The following PDE4B variants were observed in gnomAD, a reference collection of about 807,000 sequenced individuals.
The protein encoded by PDE4B is phosphodiesterase 4B, also known as 3',5'-cyclic-AMP phosphodiesterase 4B.
PDE4B carries 20 observed loss-of-function variants against 82.2 expected under a neutral mutation model. The observed-to-expected ratio is 0.24, with a 90% CI of 0.17 to 0.35. PDE4B has a LOEUF of 0.35. PDE4B is among the 10% of genes least tolerant of loss of function. The pLI is 1.00. For missense variants in PDE4B, 655 were observed against 907.2 expected (o/e 0.72, Z 3.57); for synonymous variants, 320 against 318.9 (o/e 1.00, Z -0.04).
chr1:66,316,332 A>G (rs1005359870), intron 7 of PDE4B, among the ~76,000 whole-genome samples: 3 of 152,244 alleles, frequency 2.0e-5, no homozygotes, highest in African/African-American at 7.2e-5. Context: ...AGATAACATG[A>G]TATTATATGG....
chr1:66,013,785 CT>C (rs1274149747), intron 3 of PDE4B, among the ~76,000 whole-genome samples: 1 of 152,028 alleles, frequency 6.6e-6, no homozygotes. Context: ...CTCTTTGAGA[CT>C]CTACTTTTAT....
chr1:65,906,594 A>G (rs1350073828), intron 1 of PDE4B, among the ~76,000 whole-genome samples: 1 of 152,120 alleles, frequency 6.6e-6, no homozygotes, highest in African/African-American at 2.4e-5. Context: ...GAAATTCACT[A>G]ACAAATTCAT....
At chr1:66,335,911 G>A (rs140834164) in intron 8 of PDE4B, among the ~76,000 whole-genome samples, 13 of 152,278 alleles carry the variant, frequency 8.5e-5, no homozygotes, top group African/African-American at 2.6e-4. Context: ...TCCTGAATTA[G>A]AAGAATTGTC....
chr1:66,327,546 A>G (rs1443099436), intron 7 of PDE4B, among the ~76,000 whole-genome samples: 1 of 152,238 alleles, frequency 6.6e-6, no homozygotes. Context: ...AATATATTTA[A>G]TACTAAAAGG....
At chr1:66,327,843 C>T (rs1026608404) in intron 7 of PDE4B, among the ~76,000 whole-genome samples, 6 of 152,096 alleles carry the variant, frequency 3.9e-5, no homozygotes, top group Admixed American at 3.3e-4. Flanking sequence ...GGAAGAGATC[C>T]GAGGGTAAGA....
chr1:66,136,386 C>T lies in PDE4B; in HGVS notation c.282-111074C>T, dbSNP rs543822625. On this transcript the variant is annotated intron_variant, in intron 3 of 16. Transcript: ENST00000341517. ...GAAATGATGAGATCCTTTTTCTTCC[C>T]ACCTTCACCCTCGCAGTAAGAATGC... Among the ~76,000 whole-genome samples the T allele has an allele frequency of 7.2e-5, 11 of 152,048 alleles. No homozygotes were observed. The South Asian group carries it at 2.3e-3, about 32-fold the overall frequency.
chr1:66,327,629 A>G lies in PDE4B; in HGVS notation c.635-4879A>G, dbSNP rs149367580. ...AGAATAGGATATTTTTCTTATCCTC[A>G]TTTTAGAGATAAATAAATTTAGTCT... On this transcript the variant is annotated intron_variant, in intron 7 of 16. Transcript: ENST00000341517. 3.5e-3 allele frequency among the ~76,000 whole-genome samples: 537 copies of G among 152,284 alleles called. 4 individuals carry two copies. The highest frequency in any genetic ancestry group is 0.012 in the African/African-American group (519 of 41,540).
At chr1:66,074,181 C>T (rs570564793) in intron 3 of PDE4B, among the ~76,000 whole-genome samples, 2 of 152,160 alleles carry the variant, frequency 1.3e-5, no homozygotes, top group South Asian at 2.1e-4. Flanking sequence ...GACTGGAAGA[C>T]CTTTGGTTTA....
chr1:65,898,642 A>C (rs1216297746), intron 1 of PDE4B, among the ~76,000 whole-genome samples: 2 of 152,172 alleles, frequency 1.3e-5, no homozygotes, highest in African/African-American at 4.8e-5. Flanking sequence ...AACAGAATAG[A>C]GAACCCAGAA....
At chr1:65,797,672 G>C (rs1318236033) in intron 1 of PDE4B, among the ~76,000 whole-genome samples, 1 of 152,190 alleles carries the variant, frequency 6.6e-6, no homozygotes. Context: ...CAGCCTTGCA[G>C]AAATAAGGAG....
intron 3 of PDE4B, among the ~76,000 whole-genome samples, chr1:66,129,557 G>A (rs1290903039): frequency 7.3e-5 from 11 of 150,094 alleles, no homozygotes; most frequent in African/African-American, 2.7e-4. Context: ...CTACTTGGGA[G>A]GCTGAGGCAG....
intron 1 of PDE4B, among the ~76,000 whole-genome samples, chr1:65,831,084 C>T (rs1646076642): frequency 6.6e-6 from 1 of 151,836 alleles, no homozygotes; most frequent in Admixed American, 6.6e-5. Context: ...AAGAATGAGC[C>T]AAATTCAGTA....
At chr1:66,325,853 C>T (rs1199211883) in intron 7 of PDE4B, among the ~76,000 whole-genome samples, 2 of 152,178 alleles carry the variant, frequency 1.3e-5, no homozygotes, top group African/African-American at 2.4e-5. Context: ...GTACCAAAGG[C>T]TTGGCGTATA....
At chr1:66,086,370 A>T (rs1420962664) in intron 3 of PDE4B, among the ~76,000 whole-genome samples, 2 of 152,110 alleles carry the variant, frequency 1.3e-5, no homozygotes, top group East Asian at 1.9e-4. Context: ...TGAGATTTTC[A>T]TAAAGGAGAT....
chr1:66,080,934 T>C (rs1656691613), intron 3 of PDE4B, among the ~76,000 whole-genome samples: 1 of 152,140 alleles, frequency 6.6e-6, no homozygotes, highest in African/African-American at 2.4e-5. Context: ...CTCCAGTGTC[T>C]GCTGTTCCCA....
chr1:66,321,267 T>C (rs947007068), intron 7 of PDE4B, among the ~76,000 whole-genome samples: 9 of 152,200 alleles, frequency 5.9e-5, no homozygotes, highest in African/African-American at 2.2e-4. Flanking sequence ...TTTCTGGACC[T>C]GAAAGGCTGA....
At chr1:65,885,668 A>G (rs935897641) in intron 1 of PDE4B, among the ~76,000 whole-genome samples, 1 of 151,946 alleles carries the variant, frequency 6.6e-6, no homozygotes, top group Non-Finnish European at 1.5e-5. Flanking sequence ...CAATGAGAAC[A>G]CTTGGACACA....
intron 1 of PDE4B, among the ~76,000 whole-genome samples, chr1:65,809,183 T>C (rs1553186184): frequency 6.6e-6 from 1 of 151,550 alleles, no homozygotes. Context: ...ATACAAAAAT[T>C]AGCTGGGCAT....
chr1:66,326,825 G>A (rs1659780453), intron 7 of PDE4B, among the ~76,000 whole-genome samples: 1 of 152,166 alleles, frequency 6.6e-6, no homozygotes, highest in African/African-American at 2.4e-5. Flanking sequence ...GTAATTGAGG[G>A]CAGAGCATTT....
Sources: gnomAD v4.1 joint callset for allele counts (sites outside exome capture counted in the v4.1 genomes callset) on GRCh38, gnomAD v4.1.1 for gene constraint, MANE v1.5 for transcripts, NCBI Gene and HGNC (gene_info 2026-07-23, HGNC 2026-07-21) for gene names.